The following WNT3 variants were observed in gnomAD, a reference collection of about 807,000 sequenced individuals.
WNT3 encodes the protein Wnt family member 3.
WNT3 carries 7 observed loss-of-function variants against 34.2 expected under a neutral mutation model. The observed-to-expected ratio is 0.20, with a 90% CI of 0.12 to 0.38. The LOEUF (loss-of-function observed/expected upper bound fraction) is 0.38. Among genes scored for constraint, WNT3 ranks in the 10% least tolerant of loss-of-function variants. The pLI, the probability that WNT3 is intolerant of heterozygous loss-of-function variation, is 1.00. For synonymous variants in WNT3, 212 were observed against 211.5 expected (o/e 1.00, Z -0.02); for missense variants, 267 against 499.8 (o/e 0.53, Z 4.44).
At chr17:46,765,797 T>C (rs962053986) in intron 4 of WNT3, among the ~76,000 whole-genome samples, 6 of 152,202 alleles carry the variant, frequency 3.9e-5, no homozygotes, top group African/African-American at 1.4e-4. Flanking sequence ...AGGCCCTTCA[T>C]GTGCAGGGTC....
intron 1 of WNT3, among the ~76,000 whole-genome samples, chr17:46,810,543 G>A (rs1250446922): frequency 5.9e-5 from 9 of 152,172 alleles, no homozygotes; most frequent in Admixed American, 5.9e-4. Flanking sequence ...AAGCAGGCAG[G>A]GCAGGTGGTC....
chr17:46,783,480 G>T (rs111986713), intron 1 of WNT3, among the ~76,000 whole-genome samples: 3 of 152,240 alleles, frequency 2.0e-5, no homozygotes, highest in Non-Finnish European at 4.4e-5. Context: ...CACACCTGAG[G>T]AGCACCCAGC....
intron 1 of WNT3, among the ~76,000 whole-genome samples, chr17:46,797,547 A>G (rs912213648): frequency 3.3e-5 from 5 of 152,246 alleles, no homozygotes; most frequent in African/African-American, 1.2e-4. Flanking sequence ...CTCAAAGATG[A>G]CAGCACAGAT....
chr17:46,782,248 G>A (rs1237272184), intron 1 of WNT3, among the ~76,000 whole-genome samples: 1 of 152,246 alleles, frequency 6.6e-6, no homozygotes, highest in Non-Finnish European at 1.5e-5. Flanking sequence ...CTGATCTGAA[G>A]ATCTAGTGTC....
At chr17:46,775,892 C>T (rs373746683) in intron 1 of WNT3, among the ~76,000 whole-genome samples, 10 of 151,850 alleles carry the variant, frequency 6.6e-5, no homozygotes, top group African/African-American at 2.2e-4. Context: ...GGATTACAGG[C>T]GCGAGCCACC....
At chr17:46,809,084 G>T (rs991674600) in intron 1 of WNT3, among the ~76,000 whole-genome samples, 54 of 152,288 alleles carry the variant, frequency 3.5e-4, no homozygotes, top group African/African-American at 1.3e-3. Flanking sequence ...AAGCAAAGAG[G>T]TGAGTATTCC....
At chr17:46,804,707 G>A (rs553400184) in intron 1 of WNT3, among the ~76,000 whole-genome samples, 116 of 152,324 alleles carry the variant, frequency 7.6e-4, no homozygotes, top group African/African-American at 2.7e-3. Flanking sequence ...AGGCCAGCCG[G>A]ACTTCCTGGG....
At chr17:46,779,565 C>T (rs569173201) in intron 1 of WNT3, among the ~76,000 whole-genome samples, 50 of 152,286 alleles carry the variant, frequency 3.3e-4, no homozygotes, top group Non-Finnish European at 6.2e-4. Flanking sequence ...CCCTGCACAA[C>T]AGGCTGCTTG....
intron 1 of WNT3, among the ~76,000 whole-genome samples, chr17:46,798,853 T>G (rs1243376011): frequency 6.6e-6 from 1 of 151,960 alleles, no homozygotes; most frequent in Admixed American, 6.6e-5. Context: ...ATCGAGACCA[T>G]CCTGGCTAAC....
At chr17:46,793,484 G>GAA (rs2084014685) in intron 1 of WNT3, among the ~76,000 whole-genome samples, 3 of 152,096 alleles carry the variant, frequency 2.0e-5, no homozygotes, top group Admixed American at 2.0e-4. Context: ...TGTTGGTGCA[G>GAA]ATCTTCCGCA....
chr17:46,770,131 G>A (rs1012616153), intron 2 of WNT3, 83 bp from the exon 3 acceptor site: 9 of 1,450,824 alleles, frequency 6.2e-6, no homozygotes, highest in South Asian at 1.4e-5. Flanking sequence ...GCCAGGACGT[G>A]AGGGGAACGA....
rs1399152260 is a variant in WNT3, at chr17:46,768,078, G to T, written c.*8+234C>A. Among the ~76,000 whole-genome samples the T allele has an allele frequency of 6.6e-6, 1 of 152,164 alleles. No homozygotes were observed. Among genetic ancestry groups the T allele is most frequent in the Non-Finnish European group, 1.5e-5 (1 of 68,038 alleles). On this transcript the variant is annotated intron_variant, in intron 4 of 4. Transcript: ENST00000225512. This position sits in a 1 kb window ranked among gnomAD's most constrained non-coding sequence, Gnocchi z 5.0. Reference sequence around the variant, plus strand: ...GCTGGGATTACAGGCGTGAGCCACCGCACCCGGCCAACACTGGGTTTTTAT... The same window carrying T: ...GCTGGGATTACAGGCGTGAGCCACCTCACCCGGCCAACACTGGGTTTTTAT...
chr17:46,776,534 C>T (rs1470355731), intron 1 of WNT3, among the ~76,000 whole-genome samples: 1 of 152,166 alleles, frequency 6.6e-6, no homozygotes, highest in Non-Finnish European at 1.5e-5. Context: ...GAGCTAAGTA[C>T]CCTGCCCTGT....
intron 3 of WNT3, among the ~76,000 whole-genome samples, chr17:46,769,379 T>TG (rs966885527): frequency 1.1e-4 from 17 of 148,690 alleles, no homozygotes; most frequent in African/African-American, 3.7e-4. Flanking sequence ...ATTTAACACA[T>TG]GGGGAAACTG....
chr17:46,792,728 T>C (rs1281148306), intron 1 of WNT3, among the ~76,000 whole-genome samples: 2 of 152,162 alleles, frequency 1.3e-5, no homozygotes, highest in African/African-American at 4.8e-5. Context: ...CACCTCTGCC[T>C]CCCAAAGCGC....
chr17:46,778,655 C>T (rs889448852), intron 1 of WNT3, among the ~76,000 whole-genome samples: 3 of 152,200 alleles, frequency 2.0e-5, no homozygotes, highest in African/African-American at 2.4e-5. Context: ...CACAGTGACT[C>T]TCATGCTCCT....
rs2084386241 is a variant in WNT3 at position 46,818,674 on chromosome 17, T to C, written c.-77A>G. 1 of 1,354,582 alleles carries C rather than the reference T, an allele frequency of 7.4e-7. No homozygotes were observed. The highest frequency in any genetic ancestry group is 1.0e-6 in the Non-Finnish European group (1 of 967,878). 83.9% of individuals were successfully genotyped at this position (1,354,582 alleles called of 1,614,324 possible). On this transcript the variant is annotated 5_prime_UTR_variant, in exon 1 of 5. Transcript: ENST00000225512. The stretch of plus-strand genomic sequence containing the variant: ...GACGCCCCCAATAGTTGGAACAAAG[T>C]CCACTTGAGATTGGAAATGACTTTC...
intron 1 of WNT3, among the ~76,000 whole-genome samples, chr17:46,811,219 G>C (rs1322262080): frequency 2.9e-5 from 3 of 102,668 alleles, no homozygotes; most frequent in Non-Finnish European, 7.7e-5. Flanking sequence ...TGGGATTCAC[G>C]GCTGCGATGC....
intron 1 of WNT3, among the ~76,000 whole-genome samples, chr17:46,779,053 T>TCTCACACACACACA (rs1310974235): frequency 8.7e-4 from 88 of 100,672 alleles, no homozygotes; most frequent in Middle Eastern, 6.9e-3. Flanking sequence ...CCCTACCCCA[T>TCTCACACACACACA]CACACACACA....
Sources: allele counts gnomAD v4.1 joint callset (sites outside exome capture counted in the v4.1 genomes callset), GRCh38; gene constraint gnomAD v4.1.1; non-coding constraint Gnocchi (gnomAD v3.1); transcripts MANE v1.5; gene names NCBI Gene and HGNC (gene_info 2026-07-23, HGNC 2026-07-21).